Variants in CABP1 observed in about 807,000 individuals in gnomAD.
CABP1 encodes calcium-binding protein 1.
CABP1 carries 17 observed loss-of-function variants against 34.3 expected under a neutral mutation model. That is an observed-to-expected ratio of 0.50 (90% confidence interval 0.34 to 0.74). The LOEUF (loss-of-function observed/expected upper bound fraction) is 0.74. Ranked by LOEUF, CABP1 falls within the 30% of genes least tolerant of loss-of-function variation. CABP1 has a pLI of 0.01. For missense variants in CABP1, 373 were observed against 511.1 expected (o/e 0.73, Z 2.61); for synonymous variants, 198 against 229.2 (o/e 0.86, Z 1.23).
chr12:120,678,847 G>A, the CABP1 span, among the ~76,000 whole-genome samples: 2 of 148,538 alleles, frequency 1.3e-5, no homozygotes, highest in Admixed American at 6.8e-5. Context: ...TGAGGGGGGG[G>A]CAGATCACTT....
intron 5 of CABP1, among the ~76,000 whole-genome samples, chr12:120,665,294 C>T (rs1318714162): frequency 2.0e-5 from 3 of 151,822 alleles, no homozygotes; most frequent in East Asian, 1.9e-4. Flanking sequence ...GGCTTGGTGG[C>T]GCATGCCTGT....
Position 120,641,054 on chromosome 12 carries a change from G to T in CABP1, c.369G>T (p.Arg123=). 1 of 1,183,566 alleles carries T rather than the reference G, an allele frequency of 8.4e-7. No individual in the cohort carries two copies. The allele number at this position is 1,183,566 out of a possible 1,614,324, so 73.3% of individuals were successfully genotyped here. ...GDPSSRRPLC[R]PAPREEGARG... is the part of the protein sequence containing the mutation. ...CCAGTTCGCGGAGGCCCCTGTGCCG[G>T]CCGGCGCCGCGAGAGGAGGGCGCGC... The change falls in exon 1 of 6, where the codon CGG becomes CGT. Residue 123 remains arginine, a synonymous_variant. Transcript: ENST00000316803. This position sits in a 1 kb window ranked among gnomAD's most constrained non-coding sequence, Gnocchi z 6.7.
At chr12:120,676,669 C>T in the CABP1 span, among the ~76,000 whole-genome samples, 9,835 of 152,244 alleles carry the variant, frequency 0.065, 376 homozygotes, top group Admixed American at 0.12. Flanking sequence ...TCAGGTGATC[C>T]GCCTGCCTCA....
chr12:120,645,635 G>A lies in CABP1; in HGVS notation c.654+4296G>A, dbSNP rs1203471789. Among the ~76,000 whole-genome samples, 3 of 152,112 alleles carry A rather than the reference G, an allele frequency of 2.0e-5. No individual in the cohort carries two copies. In the East Asian group the frequency reaches 5.8e-4, roughly 29 times the overall value. On this transcript the variant is annotated intron_variant, in intron 1 of 5. Transcript: ENST00000316803. ...ACTTGAGGTCAGGAGTTTGAGACCA[G>A]CCAGGCCAACACAGTGAGACCCATC...
At chr12:120,647,607 G>A (rs1451389617) in intron 1 of CABP1, among the ~76,000 whole-genome samples, 4 of 132,366 alleles carry the variant, frequency 3.0e-5, no homozygotes, top group African/African-American at 9.1e-5. Context: ...TCACTCTGTC[G>A]CTCAGCCTGG....
intron 1 of CABP1, among the ~76,000 whole-genome samples, chr12:120,657,129 C>T (rs911359612): frequency 1.3e-5 from 2 of 152,126 alleles, no homozygotes; most frequent in African/African-American, 4.8e-5. Context: ...GGCTATTGAC[C>T]ACTTGAAATG....
chr12:120,654,690 TGC>T (rs1272819128), intron 1 of CABP1, among the ~76,000 whole-genome samples: 10 of 151,516 alleles, frequency 6.6e-5, no homozygotes, highest in African/African-American at 1.9e-4. Context: ...GAAGGCAGAG[TGC>T]AGGCCGAAGG....
In CABP1 at chr12:120,641,246, C is replaced by T. The variant is rs1039475932; in HGVS notation, c.561C>T (p.Ala187=). 2.3e-6 allele frequency: 3 copies of T among 1,285,852 alleles called. No homozygotes were observed. The African/African-American group carries it at 4.6e-5, about 20-fold the overall frequency. The allele number at this position is 1,285,852 out of a possible 1,614,324, so 79.7% of individuals were successfully genotyped here. The change falls in exon 1 of 6, where the codon GCC becomes GCT. Residue 187 remains alanine (A), a synonymous_variant. Transcript: ENST00000316803. The surrounding 1 kb of genome is among the most constrained non-coding windows in gnomAD (Gnocchi z 6.7). ...PALGLRGSLR[A]RGRGDSVPAA... is the part of the protein sequence containing the mutation. The stretch of plus-strand genomic sequence containing the variant: ...TCGGCCTCCGGGGCTCTCTGCGAGC[C>T]CGGGGCCGCGGGGACTCCGTTCCAG...
chr12:120,647,695 G>C (rs1425612644), intron 1 of CABP1, among the ~76,000 whole-genome samples: 1 of 150,446 alleles, frequency 6.6e-6, no homozygotes, highest in East Asian at 1.9e-4. Flanking sequence ...AGCCTCTCGA[G>C]TAGCGGCGAC....
At chr12:120,679,556 A>G in the CABP1 span, among the ~76,000 whole-genome samples, 3 of 152,204 alleles carry the variant, frequency 2.0e-5, no homozygotes, top group Non-Finnish European at 2.9e-5. Context: ...GGCTGGGCGC[A>G]GTGGCTCATG....
At chr12:120,676,308 C>A in the CABP1 span, among the ~76,000 whole-genome samples, 2 of 152,172 alleles carry the variant, frequency 1.3e-5, no homozygotes, top group Non-Finnish European at 2.9e-5. Context: ...GGGCAGCTGA[C>A]AAGTAACCTG....
chr12:120,641,391 G>A lies in CABP1; in HGVS notation c.654+52G>A, dbSNP rs1229786057. ...TCCCGGGAAAGGCGCTCGGGACCCTGCCGGCCGCGGTTGCGCGTCCACAGC... is the reference window on the plus strand; with the variant it reads ...TCCCGGGAAAGGCGCTCGGGACCCTACCGGCCGCGGTTGCGCGTCCACAGC... On this transcript the variant is annotated intron_variant, in intron 1 of 5. Coordinates refer to ENST00000316803, the MANE Select transcript of CABP1 (RefSeq NM_001033677.2). The surrounding 1 kb of genome is among the most constrained non-coding windows in gnomAD (Gnocchi z 6.7). 2.4e-6 allele frequency: 3 copies of A among 1,243,510 alleles called. No individual in the cohort carries two copies. Among genetic ancestry groups the A allele is most frequent in the Admixed American group, 4.2e-5 (1 of 23,666 alleles). The allele number at this position is 1,243,510 out of a possible 1,614,324, so 77.0% of individuals were successfully genotyped here.
chr12:120,646,656 G>A (rs543098816), intron 1 of CABP1, among the ~76,000 whole-genome samples: 66 of 152,120 alleles, frequency 4.3e-4, no homozygotes, highest in African/African-American at 1.3e-3. Context: ...TATGACCAGG[G>A]GCACAGCTGC....
At chr12:120,651,091 C>T (rs1380877005) in intron 1 of CABP1, among the ~76,000 whole-genome samples, 4 of 152,146 alleles carry the variant, frequency 2.6e-5, no homozygotes, top group Admixed American at 2.6e-4. Context: ...TCGTTCATAT[C>T]CTTTGAGGGT....
chr12:120,679,618 G>A, the CABP1 span, among the ~76,000 whole-genome samples: 2 of 150,714 alleles, frequency 1.3e-5, no homozygotes, highest in East Asian at 2.0e-4. Flanking sequence ...ACCTGAGGTC[G>A]GGAGTTCAAG....
At chr12:120,653,700 A>G (rs1179443391) in intron 1 of CABP1, among the ~76,000 whole-genome samples, 1 of 151,968 alleles carries the variant, frequency 6.6e-6, no homozygotes, top group Non-Finnish European at 1.5e-5. Context: ...CACGCGGCTA[A>G]TTTTTGTATT....
Position 120,641,233 on chromosome 12 carries a change from G to C in CABP1, c.548G>C (p.Gly183Ala). The C allele has an allele frequency of 2.4e-6, 3 of 1,274,760 alleles. No individual in the cohort carries two copies. Among genetic ancestry groups the C allele is most frequent in the Non-Finnish European group, 3.0e-6 (3 of 1,012,656 alleles). 79.0% of individuals were successfully genotyped at this position (1,274,760 alleles called of 1,614,324 possible). Residue 183 changes from glycine (G) to alanine (A), a missense_variant, in exon 1 of 6, where the codon GGC becomes GCC. Transcript: ENST00000316803. This position sits in a 1 kb window ranked among gnomAD's most constrained non-coding sequence, Gnocchi z 6.7. ...RGLSPALGLR[G>A]SLRARGRGDS... is the part of the protein sequence containing the mutation. Reference sequence around the variant, plus strand: ...CTGTCCCCGGCGCTCGGCCTCCGGGGCTCTCTGCGAGCCCGGGGCCGCGGG... The same window carrying C: ...CTGTCCCCGGCGCTCGGCCTCCGGGCCTCTCTGCGAGCCCGGGGCCGCGGG...
chr12:120,675,461 G>A, the CABP1 span, among the ~76,000 whole-genome samples: 4 of 152,218 alleles, frequency 2.6e-5, no homozygotes, highest in South Asian at 2.1e-4. Flanking sequence ...CCTCACACAT[G>A]CTGTTCCCTC....
Position 120,660,052 on chromosome 12 carries a change from C to T in CABP1, c.685+144C>T, listed in dbSNP as rs567225571. The T allele has an allele frequency of 7.7e-7, 1 of 1,296,008 alleles. No individual in the cohort carries two copies. The highest frequency in any genetic ancestry group is 2.3e-5 in the East Asian group (1 of 43,078). 80.3% of individuals were successfully genotyped at this position (1,296,008 alleles called of 1,614,324 possible). The stretch of plus-strand genomic sequence containing the variant: ...TGTGAAACCAGCTGCTGAAGGTGTG[C>T]ACAGGAGGCAAGAGAAATGCCCCAG... On this transcript the variant is annotated intron_variant, in intron 2 of 5. Transcript: ENST00000316803. This position sits in a 1 kb window ranked among gnomAD's most constrained non-coding sequence, Gnocchi z 5.0.
Sources: gnomAD v4.1 joint callset for allele counts (sites outside exome capture counted in the v4.1 genomes callset) on GRCh38, gnomAD v4.1.1 for gene constraint, Gnocchi (gnomAD v3.1) non-coding constraint, MANE v1.5 for transcripts, NCBI Gene and HGNC (gene_info 2026-07-23, HGNC 2026-07-21) for gene names.